Variants in NUP205 observed in about 807,000 individuals in gnomAD.
NUP205 encodes nuclear pore complex protein Nup205.
A neutral mutation model predicts 253.8 loss-of-function variants in NUP205; 76 were observed. The ratio of observed to expected loss-of-function variants is 0.30; its 90% CI spans 0.25 to 0.36. NUP205 has a LOEUF of 0.36. Ranked by LOEUF, NUP205 falls within the 10% of genes least tolerant of loss-of-function variation. NUP205 has a pLI of 1.00. For missense variants in NUP205, 2,162 were observed against 2,425.5 expected, an observed-to-expected ratio of 0.89 and a Z score of 2.28; for synonymous variants, 832 against 850.1, an observed-to-expected ratio of 0.98 and a Z score of 0.37.
chr7:135,570,346 C>T (rs962976793), intron 1 of NUP205, among the ~76,000 whole-genome samples: 3 of 151,800 alleles, frequency 2.0e-5, no homozygotes, highest in African/African-American at 7.3e-5. Context: ...TCCCAAGTAG[C>T]TGGGACTACA....
At chr7:135,629,201 G>A (rs1206675462) in intron 34 of NUP205, among the ~76,000 whole-genome samples, 1 of 152,196 alleles carries the variant, frequency 6.6e-6, no homozygotes, top group Non-Finnish European at 1.5e-5. Flanking sequence ...CATATAGTCT[G>A]CCTTTAAAAT....
At chr7:135,584,738 A>C in intron 7 of NUP205, 94 bp from the exon 8 acceptor site, 1 of 1,067,164 alleles carries the variant, frequency 9.4e-7, no homozygotes, top group Non-Finnish European at 1.4e-6. Flanking sequence ...GGCTGGGAAG[A>C]TGTCTGAACC....
intron 1 of NUP205, chr7:135,558,255 C>A: frequency 2.1e-6 from 1 of 470,782 alleles, no homozygotes; most frequent in South Asian, 2.4e-5. Context: ...TCTGGTCCCC[C>A]TCACCCCCAA....
At chr7:135,647,760 CT>C (rs1478839645) in intron 42 of NUP205, among the ~76,000 whole-genome samples, 2 of 152,148 alleles carry the variant, frequency 1.3e-5, no homozygotes, top group African/African-American at 4.8e-5. Flanking sequence ...TAATCTCACA[CT>C]CTGTGTTGTG....
At chr7:135,580,038 G>T (rs918314874) in intron 7 of NUP205, among the ~76,000 whole-genome samples, 1 of 152,152 alleles carries the variant, frequency 6.6e-6, no homozygotes, top group Admixed American at 6.5e-5. Flanking sequence ...ATTAGTAGGG[G>T]TTTATTCTAA....
At chr7:135,576,927 CAA>C (rs1563112974) in intron 4 of NUP205, 40 bp from the exon 5 acceptor site, 8 of 1,571,856 alleles carry the variant, frequency 5.1e-6, no homozygotes, top group Non-Finnish European at 6.9e-6. Context: ...GAAGCATAAA[CAA>C]TATTGTTTAA....
chr7:135,570,495 G>A (rs938261297), intron 1 of NUP205, among the ~76,000 whole-genome samples: 3 of 151,384 alleles, frequency 2.0e-5, no homozygotes, highest in Admixed American at 6.6e-5. Context: ...GATTACAGGC[G>A]TGAGCCATTG....
intron 34 of NUP205, among the ~76,000 whole-genome samples, chr7:135,629,013 C>T (rs1462774682): frequency 6.6e-6 from 1 of 152,182 alleles, no homozygotes; most frequent in Non-Finnish European, 1.5e-5. Context: ...TGATATAAGA[C>T]ACTGGTTCCC....
chr7:135,603,084 C>G, intron 18 of NUP205, 90 bp downstream of exon 18: 1 of 786,230 alleles, frequency 1.3e-6, no homozygotes, highest in Non-Finnish European at 1.9e-6. Context: ...TAGTGCATCA[C>G]CTTTTTTTTT....
At chr7:135,601,962 A>G (rs1464561548) in intron 17 of NUP205, among the ~76,000 whole-genome samples, 1 of 152,238 alleles carries the variant, frequency 6.6e-6, no homozygotes, top group African/African-American at 2.4e-5. Context: ...ATATTAATGC[A>G]TTCAATCTAT....
Position 135,616,702 on chromosome 7 carries a change from C to T in NUP205, c.3508C>T (p.Leu1170Phe). ...EDENRSVSGFLHFDTATKVRR... is the reference protein window; with the variant it reads ...EDENRSVSGFFHFDTATKVRR... Reference sequence around the variant, plus strand: ...TGAAAACAGGTCTGTTTCTGGGTTCCTTCACTTTGACACTGCTACAAAAGG... The same window carrying T: ...TGAAAACAGGTCTGTTTCTGGGTTCTTTCACTTTGACACTGCTACAAAAGG... Residue 1170 changes from leucine to phenylalanine, a missense_variant, in exon 25 of 43, where the codon CTT (leucine) becomes TTT (phenylalanine). By Grantham distance (22) the Leu-to-Phe change is conservative. Transcript: ENST00000285968. 6.4e-7 allele frequency: 1 copy of T among 1,568,624 alleles called. No homozygotes were observed. Among genetic ancestry groups the T allele is most frequent in the Non-Finnish European group, 8.6e-7 (1 of 1,161,748 alleles).
chr7:135,597,553 C>G (rs1793870722), intron 14 of NUP205, 135 bp downstream of exon 14: 1 of 592,216 alleles, frequency 1.7e-6, no homozygotes, highest in Non-Finnish European at 2.9e-6. Context: ...GTTTTCTGAT[C>G]AGTGTTGAAA....
rs10234309 is a variant in NUP205, at chr7:135,626,419, G to A, written c.4793+58G>A. 1,256,304 of 1,532,920 alleles carry A rather than the reference G, an allele frequency of 0.82. 518,090 individuals are homozygous for A. Among genetic ancestry groups the A allele is most frequent in the Middle Eastern group, 0.92 (5,255 of 5,682 alleles). The allele number at this position is 1,532,920 out of a possible 1,614,324, so 95.0% of individuals were successfully genotyped here. ...TCCCAGTAAAGGATTATTAAGGGAAGAAAAAATTCCAAACATAATTTTGCC... is the reference window on the plus strand; with the variant it reads ...TCCCAGTAAAGGATTATTAAGGGAAAAAAAAATTCCAAACATAATTTTGCC... On this transcript the variant is annotated intron_variant, in intron 33 of 42. Transcript: ENST00000285968.
intron 12 of NUP205, among the ~76,000 whole-genome samples, chr7:135,594,325 T>C (rs934822139): frequency 1.3e-5 from 2 of 152,192 alleles, no homozygotes; most frequent in African/African-American, 4.8e-5. Flanking sequence ...GCAAAAGTAA[T>C]TCTACAAAGT....
At chr7:135,576,816 A>G (rs987510696) in intron 4 of NUP205, among the ~76,000 whole-genome samples, 153 bp from the exon 5 acceptor site, 52 of 152,156 alleles carry the variant, frequency 3.4e-4, no homozygotes, top group African/African-American at 1.2e-3. Context: ...TGGGACGTCA[A>G]GGCTGCAGTG....
Position 135,597,646 on chromosome 7 carries a change from A to T in NUP205, c.2064+228A>T, listed in dbSNP as rs376924910. The T allele has an allele frequency of 5.7e-3, 2,564 of 447,840 alleles. 29 individuals carry two copies. The highest frequency in any genetic ancestry group is 0.026 in the South Asian group (486 of 19,008). The allele number at this position is 447,840 out of a possible 1,614,324, so 27.7% of individuals were successfully genotyped here. A position where few individuals can be genotyped will look rare whatever the true frequency, so the allele number is the denominator to read the frequency against. ...AAGATGTTACATGGCAACCATCCAA[A>T]TGGAAAATTCTTGATTTTAACTCAA... On this transcript the variant is annotated intron_variant, in intron 14 of 42. Coordinates refer to ENST00000285968, the MANE Select transcript of NUP205 (RefSeq NM_015135.3).
chr7:135,606,562 A>T (rs891792152), intron 20 of NUP205, among the ~76,000 whole-genome samples, 189 bp from the exon 21 acceptor site: 2 of 152,244 alleles, frequency 1.3e-5, no homozygotes, highest in African/African-American at 4.8e-5. Context: ...TCAGATAAAG[A>T]GTACTCAACT....
At chr7:135,559,590 C>T (rs1174699337) in intron 1 of NUP205, among the ~76,000 whole-genome samples, 1 of 151,918 alleles carries the variant, frequency 6.6e-6, no homozygotes, top group East Asian at 1.9e-4. Flanking sequence ...AGGCTGATCT[C>T]GAACTGCTGT....
chr7:135,573,696 A>C lies in NUP205; in HGVS notation c.214A>C (p.Thr72Pro). ...GCATGAGAAGGTTCAGAAAGCCAGT[A>C]CAGAGGGAGTCGCCATTCAGGGTCA... ...QQHEKVQKAS[T>P]EGVAIQGQQG... The change falls in exon 3 of 43, where the codon ACA becomes CCA. Residue 72 changes from threonine (T) to proline (P), a missense_variant. Thr to Pro is a conservative substitution (Grantham distance 38). Coordinates refer to ENST00000285968, the MANE Select transcript of NUP205 (RefSeq NM_015135.3). 6.2e-7 allele frequency: 1 copy of C among 1,614,080 alleles called. No homozygotes were observed. The highest frequency in any genetic ancestry group is 8.5e-7 in the Non-Finnish European group (1 of 1,179,982).
Sources: gnomAD v4.1 joint callset for allele counts (sites outside exome capture counted in the v4.1 genomes callset) on GRCh38, gnomAD v4.1.1 for gene constraint, MANE v1.5 for transcripts, NCBI Gene and HGNC (gene_info 2026-07-23, HGNC 2026-07-21) for gene names.